The following SLC22A3 variants were observed in gnomAD, a reference collection of about 807,000 sequenced individuals.
SLC22A3 encodes solute carrier family 22 member 3.
A neutral mutation model predicts 59.1 loss-of-function variants in SLC22A3; 51 were observed. That is an observed-to-expected ratio of 0.86 (90% CI 0.69 to 1.09). SLC22A3 has a LOEUF of 1.09. SLC22A3 is among the 50% of genes least tolerant of loss of function. The pLI, the probability that SLC22A3 is intolerant of heterozygous loss-of-function variation, is 0.00. For synonymous variants in SLC22A3, 325 were observed against 292.0 expected (o/e 1.11, Z -1.15); for missense variants, 711 against 726.3 (o/e 0.98, Z 0.24).
intron 1 of SLC22A3, among the ~76,000 whole-genome samples, chr6:160,376,301 A>G (rs375645941): frequency 2.7e-5 from 4 of 147,090 alleles, no homozygotes; most frequent in African/African-American, 9.9e-5. Flanking sequence ...ATGAGAACAC[A>G]TGGACTCAGG....
At chr6:160,403,612 A>G (rs1345660923) in intron 2 of SLC22A3, among the ~76,000 whole-genome samples, 1 of 152,066 alleles carries the variant, frequency 6.6e-6, no homozygotes, top group East Asian at 1.9e-4. Context: ...ACAGACTAAT[A>G]TATTTCATGA....
chr6:160,403,065 G>C (rs1786853997), intron 2 of SLC22A3, among the ~76,000 whole-genome samples: 1 of 150,834 alleles, frequency 6.6e-6, no homozygotes, highest in Non-Finnish European at 1.5e-5. Flanking sequence ...ATTAGAAACA[G>C]GAAATCAAGG....
At chr6:160,381,525 T>A (rs1363244493) in intron 1 of SLC22A3, among the ~76,000 whole-genome samples, 1 of 152,218 alleles carries the variant, frequency 6.6e-6, no homozygotes, top group African/African-American at 2.4e-5. Context: ...GAATATATTG[T>A]TTAAACACTA....
intron 2 of SLC22A3, among the ~76,000 whole-genome samples, chr6:160,405,951 AG>A (rs1173505346): frequency 6.6e-6 from 1 of 152,180 alleles, no homozygotes; most frequent in African/African-American, 2.4e-5. Flanking sequence ...CAGAGCACAG[AG>A]GATTTTTAGA....
chr6:160,411,478 C>T (rs1295953868), intron 5 of SLC22A3, among the ~76,000 whole-genome samples: 1 of 152,142 alleles, frequency 6.6e-6, no homozygotes, highest in African/African-American at 2.4e-5. Flanking sequence ...TGGCTCACTC[C>T]TATAATCCCA....
intron 3 of SLC22A3, 55 bp downstream of exon 3, chr6:160,407,250 C>G: frequency 1.3e-6 from 2 of 1,524,648 alleles, no homozygotes. Context: ...AGATAGCCAA[C>G]AAATGCTAGT....
At chr6:160,384,419 A>G (rs936082300) in intron 1 of SLC22A3, among the ~76,000 whole-genome samples, 4 of 152,238 alleles carry the variant, frequency 2.6e-5, no homozygotes, top group Admixed American at 1.3e-4. Context: ...TATCAGTCCA[A>G]ATCAATAAAT....
At chr6:160,356,601 G>C (rs1262212375) in intron 1 of SLC22A3, among the ~76,000 whole-genome samples, 1 of 152,196 alleles carries the variant, frequency 6.6e-6, no homozygotes, top group East Asian at 1.9e-4. Flanking sequence ...CCAGGGTGCA[G>C]CGCTGTCCCC....
At chr6:160,380,923 C>T (rs1369837005) in intron 1 of SLC22A3, among the ~76,000 whole-genome samples, 1 of 152,120 alleles carries the variant, frequency 6.6e-6, no homozygotes, top group African/African-American at 2.4e-5. Flanking sequence ...GCGAACTGAA[C>T]CAGATATCTG....
At chr6:160,428,423 C>T (rs922544544) in intron 5 of SLC22A3, among the ~76,000 whole-genome samples, 1 of 152,230 alleles carries the variant, frequency 6.6e-6, no homozygotes, top group African/African-American at 2.4e-5. Flanking sequence ...AGCTCCTAGC[C>T]TCATGTGCAG....
intron 1 of SLC22A3, among the ~76,000 whole-genome samples, chr6:160,382,074 T>C (rs1311288810): frequency 1.3e-5 from 2 of 152,218 alleles, no homozygotes; most frequent in Admixed American, 1.3e-4. Flanking sequence ...TTGTATTATA[T>C]TACAAGAGCC....
intron 1 of SLC22A3, among the ~76,000 whole-genome samples, chr6:160,370,390 C>T (rs1228456604): frequency 6.6e-6 from 1 of 152,222 alleles, no homozygotes; most frequent in Non-Finnish European, 1.5e-5. Context: ...TGTGTGGGCA[C>T]TTTCCCTGCA....
At chr6:160,417,987 G>A (rs769545028) in intron 5 of SLC22A3, among the ~76,000 whole-genome samples, 3 of 152,198 alleles carry the variant, frequency 2.0e-5, no homozygotes, top group South Asian at 2.1e-4. Context: ...TGCTAAGATC[G>A]ATGGCTCTTA....
intron 9 of SLC22A3, among the ~76,000 whole-genome samples, chr6:160,446,685 T>A (rs536099604): frequency 2.0e-5 from 3 of 152,268 alleles, no homozygotes; most frequent in Admixed American, 2.0e-4. Context: ...CCAAACCATA[T>A]CAGCTACATT....
chr6:160,426,586 G>C (rs1291630014), intron 5 of SLC22A3, among the ~76,000 whole-genome samples: 2 of 152,162 alleles, frequency 1.3e-5, no homozygotes, highest in African/African-American at 4.8e-5. Context: ...TGCCACTCCA[G>C]ATCTTGTATT....
intron 5 of SLC22A3, among the ~76,000 whole-genome samples, chr6:160,427,072 G>A (rs528008771): frequency 4.1e-4 from 63 of 152,216 alleles, no homozygotes; most frequent in African/African-American, 1.5e-3. Flanking sequence ...AGGGCAGTCA[G>A]GACTCTCCCA....
At chr6:160,370,995 CCT>C (rs1785379133) in intron 1 of SLC22A3, among the ~76,000 whole-genome samples, 1 of 152,152 alleles carries the variant, frequency 6.6e-6, no homozygotes, top group African/African-American at 2.4e-5. Context: ...TCCCAGCTTA[CCT>C]CCTCTCCCTC....
At chr6:160,447,226 G>GT (rs561380309) in intron 9 of SLC22A3, among the ~76,000 whole-genome samples, 3 of 152,200 alleles carry the variant, frequency 2.0e-5, no homozygotes, top group Non-Finnish European at 2.9e-5. Context: ...ACTGGAGGAA[G>GT]GGTTGATCCC....
At chr6:160,410,546 T>A (rs1787203452) in intron 4 of SLC22A3, among the ~76,000 whole-genome samples, 183 bp from the exon 5 acceptor site, 1 of 151,858 alleles carries the variant, frequency 6.6e-6, no homozygotes, top group African/African-American at 2.4e-5. Context: ...CAAGCTAGCA[T>A]TTTTCCCCAT....
Sources: allele counts gnomAD v4.1 joint callset (sites outside exome capture counted in the v4.1 genomes callset), GRCh38; gene constraint gnomAD v4.1.1; transcripts MANE v1.5; gene names NCBI Gene and HGNC (gene_info 2026-07-23, HGNC 2026-07-21).